GALNT1: variants seen among roughly 807,000 people sequenced by gnomAD.
GALNT1 encodes the protein GalNAc transferase 1.
In GALNT1, 17 loss-of-function variants were observed where a neutral mutation model predicts 65.7. That is an observed-to-expected ratio of 0.26 (90% CI 0.18 to 0.39). The LOEUF (loss-of-function observed/expected upper bound fraction) is 0.39, where lower values mean the gene tolerates loss of function less well. Ranked by LOEUF, GALNT1 falls within the 10% of genes least tolerant of loss-of-function variation. The pLI is 1.00. For missense variants in GALNT1, 460 were observed against 672.8 expected, an observed-to-expected ratio of 0.68 and a Z score of 3.50; for synonymous variants, 210 against 219.7, an observed-to-expected ratio of 0.96 and a Z score of 0.39.
intron 2 of GALNT1, chr18:35,659,745 G>A (rs2047449454): frequency 6.6e-6 from 1 of 152,098 alleles, no homozygotes; most frequent in Non-Finnish European, 1.5e-5. Context: ...GGAAGCCTTG[G>A]AGAACATGGT....
chr18:35,694,539 A>G (rs1055987117), intron 9 of GALNT1, among the ~76,000 whole-genome samples: 5 of 152,240 alleles, frequency 3.3e-5, no homozygotes, highest in African/African-American at 4.8e-5. Flanking sequence ...AAATGCTCAA[A>G]AAAGAGAACT....
intron 1 of GALNT1, among the ~76,000 whole-genome samples, chr18:35,612,361 A>T (rs1487755605): frequency 6.6e-6 from 1 of 152,234 alleles, no homozygotes; most frequent in African/African-American, 2.4e-5. Flanking sequence ...CCTAATAGTG[A>T]TACTAATTAA....
chr18:35,707,188 T>A (rs12954893), intron 11 of GALNT1, among the ~76,000 whole-genome samples: 16,819 of 152,260 alleles, frequency 0.11, 1,002 homozygotes, highest in Admixed American at 0.18. Context: ...TATCTGTCCT[T>A]TCTGGAATAA....
chr18:35,673,261 G>T (rs894898304), intron 3 of GALNT1, among the ~76,000 whole-genome samples: 1 of 152,196 alleles, frequency 6.6e-6, no homozygotes, highest in Admixed American at 6.5e-5. Context: ...GATTATACAT[G>T]CATAGTCACC....
In GALNT1 at chr18:35,710,684, T is replaced by C. The variant is rs2048339279; in HGVS notation, c.*914T>C. Reference sequence around the variant, plus strand: ...TGTGCACACACACACAAATTTCTTATCACATTTTCGACTTCTTCACTTGAC... The same window carrying C: ...TGTGCACACACACACAAATTTCTTACCACATTTTCGACTTCTTCACTTGAC... On this transcript the variant is annotated 3_prime_UTR_variant, in exon 12 of 12. Transcript: ENST00000269195. 1 of 152,620 alleles carries C rather than the reference T, an allele frequency of 6.6e-6. No individual in the cohort carries two copies. The highest frequency in any genetic ancestry group is 1.5e-5 in the Non-Finnish European group (1 of 68,024). 9.5% of individuals were successfully genotyped at this position (152,620 alleles called of 1,614,324 possible).
chr18:35,581,611 T>G (rs1274325857), upstream of GALNT1: 3 of 3,418 alleles, frequency 8.8e-4, no homozygotes, highest in East Asian at 0.019. Flanking sequence ...CGGCCCGGAG[T>G]AGCGCCGCCC....
At chr18:35,702,434 G>C (rs920435654) in intron 9 of GALNT1, among the ~76,000 whole-genome samples, 3 of 152,164 alleles carry the variant, frequency 2.0e-5, no homozygotes, top group Non-Finnish European at 4.4e-5. Flanking sequence ...AATGTCTAGT[G>C]AAAGAGTAGA....
rs183619140 is a variant in GALNT1 at position 35,591,845 on chromosome 18, T to C, written c.-104+9983T>C. The C allele has an allele frequency of 6.7e-4, 103 of 154,460 alleles. 1 individual carries two copies. Among genetic ancestry groups the C allele is most frequent in the African/African-American group, 2.0e-3 (82 of 41,622 alleles). 9.6% of individuals were successfully genotyped at this position (154,460 alleles called of 1,614,324 possible). On this transcript the variant is annotated intron_variant, in intron 1 of 11. Coordinates refer to ENST00000269195, the MANE Select transcript of GALNT1 (RefSeq NM_020474.4). ...GAGCATACAGGTGCATTTTTAGAAA[T>C]GGAATCAGATGGTCTCGTCAATGGG...
Position 35,674,170 on chromosome 18 carries a change from G to A in GALNT1, c.315-3421G>A, listed in dbSNP as rs568228976. Among the ~76,000 whole-genome samples the A allele has an allele frequency of 6.1e-4, 93 of 152,272 alleles. 1 individual carries two copies. The highest frequency in any genetic ancestry group is 1.1e-3 in the Non-Finnish European group (78 of 68,026). The stretch of plus-strand genomic sequence containing the variant: ...GAACTTGCTCTGGGTGAGTAAGTGA[G>A]TGCTGAGTGAATGTGAAGGCCTAAG... On this transcript the variant is annotated intron_variant, in intron 3 of 11. Transcript: ENST00000269195.
chr18:35,645,149 A>G (rs1250831385), intron 1 of GALNT1, among the ~76,000 whole-genome samples: 1 of 147,938 alleles, frequency 6.8e-6, no homozygotes, highest in African/African-American at 2.5e-5. Context: ...ATTCTTTTGT[A>G]TCCTTCAATA....
intron 2 of GALNT1, among the ~76,000 whole-genome samples, chr18:35,656,410 G>A (rs1011532674): frequency 7.9e-5 from 12 of 152,196 alleles, no homozygotes; most frequent in Admixed American, 4.6e-4. Flanking sequence ...AAATATCAGC[G>A]TAATAAATAT....
chr18:35,623,767 A>T (rs8094603), intron 1 of GALNT1, among the ~76,000 whole-genome samples: 15,484 of 151,924 alleles, frequency 0.1, 1,011 homozygotes, highest in African/African-American at 0.19. Flanking sequence ...TTCTTTTTTA[A>T]AGTTTTAATT....
Position 35,677,665 on chromosome 18 carries a change from G to A in GALNT1, c.389G>A (p.Ser130Asn). ...VVIVFHNEAWSTLLRTVHSVI... is the reference protein window; with the variant it reads ...VVIVFHNEAWNTLLRTVHSVI... ...ATTGTTTTCCACAATGAGGCTTGGAGCACACTTCTGCGAACTGTCCATAGT... is the reference window on the plus strand; with the variant it reads ...ATTGTTTTCCACAATGAGGCTTGGAACACACTTCTGCGAACTGTCCATAGT... The change falls in exon 4 of 12, where the codon AGC becomes AAC. Residue 130 changes from serine to asparagine, a missense_variant. By Grantham distance (46) the Ser-to-Asn change is conservative (BLOSUM62 1). Transcript: ENST00000269195. The A allele has an allele frequency of 1.9e-6, 3 of 1,613,268 alleles. No homozygotes were observed. Among genetic ancestry groups the A allele is most frequent in the Non-Finnish European group, 2.5e-6 (3 of 1,179,410 alleles).
chr18:35,598,802 C>G (rs986185214), intron 1 of GALNT1, among the ~76,000 whole-genome samples: 13 of 152,132 alleles, frequency 8.5e-5, no homozygotes, highest in African/African-American at 2.2e-4. Flanking sequence ...TTAGGAACCT[C>G]CATGCTGTTT....
intron 1 of GALNT1, among the ~76,000 whole-genome samples, chr18:35,599,574 G>A (rs2046554426): frequency 6.6e-6 from 1 of 152,086 alleles, no homozygotes; most frequent in South Asian, 2.1e-4. Context: ...GTTTCACCAG[G>A]CTGGTCCCAA....
chr18:35,608,111 CTAGTT>C (rs1291459486), intron 1 of GALNT1, among the ~76,000 whole-genome samples: 1 of 151,838 alleles, frequency 6.6e-6, no homozygotes, highest in African/African-American at 2.4e-5. Flanking sequence ...AGATCCCTCT[CTAGTT>C]AGTTAGATAT....
intron 2 of GALNT1, among the ~76,000 whole-genome samples, chr18:35,662,231 A>T (rs190713802): frequency 6.6e-6 from 1 of 152,192 alleles, no homozygotes; most frequent in Non-Finnish European, 1.5e-5. Context: ...ACCAACTCTC[A>T]TATTTAAGGA....
At chr18:35,684,809 A>T (rs1407090433) in intron 5 of GALNT1, among the ~76,000 whole-genome samples, 1 of 152,244 alleles carries the variant, frequency 6.6e-6, no homozygotes, top group African/African-American at 2.4e-5. Context: ...TTTCTGCTGA[A>T]CTTTGGGGTC....
Position 35,692,251 on chromosome 18 carries a change from T to G in GALNT1, c.1230T>G (p.Pro410=). Residue 410 remains proline (P), a synonymous_variant, in exon 9 of 12, where the codon CCT becomes CCG. Coordinates refer to ENST00000269195, the MANE Select transcript of GALNT1 (RefSeq NM_020474.4). ...TAAGACACAAACTACAATGCAAACC[T>G]TTTTCCTGGTACCTAGAGAATATAT... is the stretch of plus-strand genomic sequence containing the variant. ...VGLRHKLQCK[P]FSWYLENIYP... 1 of 1,603,010 alleles carries G rather than the reference T, an allele frequency of 6.2e-7. No individual in the cohort carries two copies. The highest frequency in any genetic ancestry group is 1.7e-4 in the Middle Eastern group (1 of 6,034).
Sources: allele counts gnomAD v4.1 joint callset (sites outside exome capture counted in the v4.1 genomes callset), GRCh38; gene constraint gnomAD v4.1.1; transcripts MANE v1.5; gene names NCBI Gene and HGNC (gene_info 2026-07-23, HGNC 2026-07-21).